The following LRGUK variants were observed in gnomAD, a reference collection of about 807,000 sequenced individuals.
LRGUK encodes leucine-rich repeat and guanylate kinase domain-containing protein.
A neutral mutation model predicts 76.0 loss-of-function variants in LRGUK; 65 were observed. The ratio of observed to expected loss-of-function variants is 0.85; its 90% CI spans 0.70 to 1.05. The LOEUF (loss-of-function observed/expected upper bound fraction) is 1.05. Ranked by LOEUF, LRGUK falls within the 50% of genes least tolerant of loss-of-function variation. LRGUK has a pLI of 0.00. For missense variants in LRGUK, 758 were observed against 732.8 expected (o/e 1.03, Z -0.40); for synonymous variants, 268 against 265.6 (o/e 1.01, Z -0.09).
At chr7:134,176,045 C>T (rs996574015) in intron 8 of LRGUK, among the ~76,000 whole-genome samples, 1 of 152,074 alleles carries the variant, frequency 6.6e-6, no homozygotes. Flanking sequence ...TTAGATGAGA[C>T]GCTTCACTTT....
chr7:134,231,106 G>A (rs1024780346), intron 16 of LRGUK, among the ~76,000 whole-genome samples: 4 of 152,168 alleles, frequency 2.6e-5, no homozygotes, highest in Admixed American at 2.0e-4. Flanking sequence ...GGATCCAAGG[G>A]TGATGCTGAA....
At chr7:134,127,354 C>A in exon 1 of LRGUK, 2 of 1,572,722 alleles carry the variant, frequency 1.3e-6, no homozygotes, top group Non-Finnish European at 1.7e-6. Context: ...TCCTAGGCAA[C>A]CCCGCTAAAC....
intron 7 of LRGUK, among the ~76,000 whole-genome samples, chr7:134,164,552 A>G (rs572049823): frequency 6.6e-6 from 1 of 152,326 alleles, no homozygotes; most frequent in South Asian, 2.1e-4. Flanking sequence ...CTACAACGTT[A>G]TTTTATTTAT....
intron 4 of LRGUK, among the ~76,000 whole-genome samples, 158 bp from the exon 5 acceptor site, chr7:134,148,080 A>T (rs931438269): frequency 6.9e-6 from 1 of 145,866 alleles, no homozygotes; most frequent in Admixed American, 6.8e-5. Context: ...AAAAAAAAAA[A>T]GATTAAAGAC....
chr7:134,242,768 C>T (rs1802195913), intron 16 of LRGUK, among the ~76,000 whole-genome samples: 1 of 152,058 alleles, frequency 6.6e-6, no homozygotes, highest in South Asian at 2.1e-4. Context: ...GAATTTAGAC[C>T]AATATCCATG....
At chr7:134,276,443 C>T in the LRGUK span, among the ~76,000 whole-genome samples, 4 of 151,972 alleles carry the variant, frequency 2.6e-5, no homozygotes, top group Admixed American at 6.6e-5. Context: ...GGCTCGGTCA[C>T]GGAAGGACCG....
chr7:134,159,385 G>T (rs371504833), intron 6 of LRGUK, among the ~76,000 whole-genome samples: 203 of 150,960 alleles, frequency 1.3e-3, no homozygotes, highest in Admixed American at 2.2e-3. Context: ...ATTATCTGCT[G>T]ATTTTTGACA....
At chr7:134,184,760 T>C (rs1799913487) in intron 11 of LRGUK, among the ~76,000 whole-genome samples, 1 of 152,180 alleles carries the variant, frequency 6.6e-6, no homozygotes, top group South Asian at 2.1e-4. Context: ...TACACTGTAT[T>C]TTTTTTAACT....
chr7:134,246,659 T>C (rs1454746016), intron 16 of LRGUK, among the ~76,000 whole-genome samples: 1 of 152,186 alleles, frequency 6.6e-6, no homozygotes, highest in East Asian at 1.9e-4. Flanking sequence ...GACATAAAAA[T>C]CAAAACAGCA....
chr7:134,265,352 T>G (rs1345758021), downstream of LRGUK, among the ~76,000 whole-genome samples: 7 of 152,168 alleles, frequency 4.6e-5, no homozygotes, highest in Non-Finnish European at 2.9e-5. Flanking sequence ...GCTCAACCTC[T>G]GAGAGGTGAA....
intron 16 of LRGUK, among the ~76,000 whole-genome samples, chr7:134,243,254 AAGTC>A (rs1029293857): frequency 2.0e-5 from 3 of 152,178 alleles, no homozygotes; most frequent in African/African-American, 7.2e-5. Context: ...GGAAAAGAGA[AAGTC>A]AAACTGTCCC....
intron 1 of LRGUK, among the ~76,000 whole-genome samples, chr7:134,134,723 C>A (rs1321829910): frequency 6.6e-6 from 1 of 152,162 alleles, no homozygotes; most frequent in African/African-American, 2.4e-5. Context: ...AACATTCCTT[C>A]CCAGGCCTTG....
intron 15 of LRGUK, 92 bp from the exon 16 acceptor site, chr7:134,221,687 T>C (rs1257488019): frequency 2.0e-6 from 2 of 996,182 alleles, no homozygotes; most frequent in Non-Finnish European, 2.7e-6. Flanking sequence ...CAGCTTGTTA[T>C]GTTTGGGCAA....
At chr7:134,209,729 C>T (rs1483950016) in exon 16 of LRGUK, 1 of 399,846 alleles carries the variant, frequency 2.5e-6, no homozygotes, top group African/African-American at 2.1e-5. Context: ...CAGCCCTCCG[C>T]ACTCAAAACC....
chr7:134,193,726 A>C (rs528319952), intron 12 of LRGUK, among the ~76,000 whole-genome samples: 1 of 152,232 alleles, frequency 6.6e-6, no homozygotes, highest in East Asian at 1.9e-4. Context: ...CAAACTTATG[A>C]CACATTGTCA....
At chr7:134,244,422 A>T (rs2117199397) in intron 16 of LRGUK, among the ~76,000 whole-genome samples, 1 of 152,362 alleles carries the variant, frequency 6.6e-6, no homozygotes, top group African/African-American at 2.4e-5. Context: ...TCAAAAGAAG[A>T]CATTTATGCA....
chr7:134,176,304 G>A (rs989391590), intron 8 of LRGUK, among the ~76,000 whole-genome samples: 1 of 152,190 alleles, frequency 6.6e-6, no homozygotes, highest in Admixed American at 6.5e-5. Flanking sequence ...GTTGATGGGT[G>A]CAGCAAACCA....
Position 134,184,275 on chromosome 7 carries a change from C to CT in LRGUK, c.1334+434dup, listed in dbSNP as rs927208408. Among the ~76,000 whole-genome samples, 394 of 144,414 alleles carry CT rather than the reference C, an allele frequency of 2.7e-3. 1 individual carries two copies. Among genetic ancestry groups the CT allele is most frequent in the Middle Eastern group, 0.011 (3 of 282 alleles). The allele number at this position is 144,414 out of a possible 152,430, so 94.7% of individuals were successfully genotyped here. The stretch of plus-strand genomic sequence containing the variant: ...AAACAAAATAATTTTTCTTTTTTTT[C>CT]TTTTTTTTTTTTGATACGGAATCTG... On this transcript the variant is annotated intron_variant, in intron 11 of 15. Coordinates refer to ENST00000645682, the Ensembl canonical transcript of LRGUK.
intron 7 of LRGUK, among the ~76,000 whole-genome samples, chr7:134,172,632 G>A (rs562014865): frequency 5.9e-5 from 9 of 152,306 alleles, no homozygotes; most frequent in African/African-American, 1.9e-4. Flanking sequence ...TTGTTGGTGA[G>A]ACGTGATAAA....
Sources: gnomAD v4.1 joint callset for allele counts (sites outside exome capture counted in the v4.1 genomes callset) on GRCh38, gnomAD v4.1.1 for gene constraint, MANE v1.5 for transcripts, NCBI Gene and HGNC (gene_info 2026-07-23, HGNC 2026-07-21) for gene names.